Variants in CCND3 observed in about 807,000 individuals in gnomAD.
CCND3 encodes cyclin D3.
CCND3 carries 9 observed loss-of-function variants against 28.7 expected under a neutral mutation model. The ratio of observed to expected loss-of-function variants is 0.31; its 90% CI spans 0.19 to 0.55. CCND3 has a LOEUF of 0.55. Among genes scored for constraint, CCND3 ranks in the 20% least tolerant of loss-of-function variants. CCND3 has a pLI of 0.93. For synonymous variants in CCND3, 164 were observed against 163.9 expected (o/e 1.00, Z 0.00); for missense variants, 315 against 385.8 (o/e 0.82, Z 1.54).
At chr6:41,996,075 TAG>T (rs1762791017) in intron 1 of CCND3, among the ~76,000 whole-genome samples, 1 of 148,546 alleles carries the variant, frequency 6.7e-6, no homozygotes, top group South Asian at 2.1e-4. Context: ...CTATTATTTG[TAG>T]AGTTTCTAGT....
chr6:42,039,606 G>A (rs1764311895), intron 1 of CCND3, among the ~76,000 whole-genome samples: 1 of 152,226 alleles, frequency 6.6e-6, no homozygotes, highest in Non-Finnish European at 1.5e-5. Context: ...ATACAAGAGC[G>A]AGGAAAGGAA....
chr6:41,953,170 C>T (rs1411393141), intron 1 of CCND3, among the ~76,000 whole-genome samples: 1 of 150,824 alleles, frequency 6.6e-6, no homozygotes, highest in Admixed American at 6.6e-5. Flanking sequence ...GAGGCTGAGG[C>T]AGGAGAATTG....
intron 1 of CCND3, among the ~76,000 whole-genome samples, chr6:42,044,917 T>G (rs961002721): frequency 2.0e-5 from 3 of 150,838 alleles, no homozygotes; most frequent in Non-Finnish European, 2.9e-5. Flanking sequence ...GCCTCCTGAG[T>G]AGGTGGGATT....
At chr6:41,969,381 T>A (rs1046820953) in intron 1 of CCND3, among the ~76,000 whole-genome samples, 1 of 151,174 alleles carries the variant, frequency 6.6e-6, no homozygotes, top group East Asian at 2.0e-4. Flanking sequence ...CTGGGCATAG[T>A]GGCGCACGCC....
intron 1 of CCND3, among the ~76,000 whole-genome samples, chr6:41,977,562 T>C (rs925215192): frequency 6.6e-6 from 1 of 152,136 alleles, no homozygotes; most frequent in African/African-American, 2.4e-5. Flanking sequence ...AGACGGGGTT[T>C]CACCAGGTTG....
At chr6:41,989,083 G>A (rs1226541491) in intron 1 of CCND3, among the ~76,000 whole-genome samples, 5 of 152,070 alleles carry the variant, frequency 3.3e-5, no homozygotes, top group Non-Finnish European at 7.4e-5. Flanking sequence ...CACAGACTAG[G>A]GGGAAATAAT....
intron 1 of CCND3, among the ~76,000 whole-genome samples, chr6:42,044,367 C>G (rs985359010): frequency 2.0e-5 from 3 of 152,290 alleles, no homozygotes; most frequent in African/African-American, 7.2e-5. Context: ...TCCAGTCACC[C>G]CAAGGTGACA....
At chr6:42,029,070 G>C (rs1327547408) in intron 1 of CCND3, among the ~76,000 whole-genome samples, 1 of 150,554 alleles carries the variant, frequency 6.6e-6, no homozygotes, top group South Asian at 2.1e-4. Flanking sequence ...TCGAACTCCT[G>C]AGTTCAAGTG....
chr6:42,013,804 T>C (rs1273429992), intron 1 of CCND3, among the ~76,000 whole-genome samples: 1 of 152,214 alleles, frequency 6.6e-6, no homozygotes, highest in African/African-American at 2.4e-5. Context: ...CCGGGCGTGG[T>C]GGCTCACACC....
In CCND3 at chr6:41,936,499, C is replaced by A; in HGVS notation, c.711+60G>T. ...GTTGGAGGTTTCCCTCTACTGGAGG[C>A]TCAGGGCATAGCACTACTTTATGAA... On this transcript the variant is annotated intron_variant, in intron 4 of 4. Coordinates refer to ENST00000372991, the MANE Select transcript of CCND3 (RefSeq NM_001760.5). This position sits in a 1 kb window ranked among gnomAD's most constrained non-coding sequence, Gnocchi z 4.4. 1 of 1,589,588 alleles carries A rather than the reference C, an allele frequency of 6.3e-7. No individual in the cohort carries two copies.
intron 1 of CCND3, among the ~76,000 whole-genome samples, chr6:42,003,342 A>G (rs1763070973): frequency 1.3e-5 from 2 of 151,648 alleles, no homozygotes; most frequent in South Asian, 4.2e-4. Flanking sequence ...CCTGACCAAC[A>G]TGGAGAAACC....
At chr6:42,027,680 C>G (rs1482886612) in intron 1 of CCND3, among the ~76,000 whole-genome samples, 1 of 152,152 alleles carries the variant, frequency 6.6e-6, no homozygotes, top group Admixed American at 6.5e-5. Flanking sequence ...CTCCTCCTCA[C>G]TGCTCACCAG....
chr6:41,992,541 C>T (rs1186249862), intron 1 of CCND3, among the ~76,000 whole-genome samples: 7 of 148,128 alleles, frequency 4.7e-5, no homozygotes, highest in South Asian at 2.2e-4. Context: ...CTCCACCTCC[C>T]GGGTTCAGAC....
chr6:41,982,211 A>G (rs1762366276), intron 1 of CCND3, among the ~76,000 whole-genome samples: 1 of 151,580 alleles, frequency 6.6e-6, no homozygotes, highest in African/African-American at 2.4e-5. Context: ...CTGAGGTTGC[A>G]GTGAGCAGAG....
chr6:41,935,743 C>A lies in CCND3; in HGVS notation c.*197G>T. 1 of 579,206 alleles carries A rather than the reference C, an allele frequency of 1.7e-6. No individual in the cohort carries two copies. Among genetic ancestry groups the A allele is most frequent in the South Asian group, 2.2e-5 (1 of 45,762 alleles). The allele number at this position is 579,206 out of a possible 1,614,324, so 35.9% of individuals were successfully genotyped here. A position where few individuals can be genotyped will look rare whatever the true frequency, so the allele number is the denominator to read the frequency against. ...ATGCAGGGAGGAGGAGCTTGACTAG[C>A]CACCGAAATGCAGACATGGCTGGCC... is the stretch of plus-strand genomic sequence containing the variant. On this transcript the variant is annotated 3_prime_UTR_variant, in exon 5 of 5. Transcript: ENST00000372991.
chr6:42,027,436 T>G (rs1763909249), intron 1 of CCND3, among the ~76,000 whole-genome samples: 1 of 86,012 alleles, frequency 1.2e-5, no homozygotes, highest in African/African-American at 5.0e-5. Flanking sequence ...CGAGGCTCCA[T>G]CTCAAAAAAA....
intron 1 of CCND3, among the ~76,000 whole-genome samples, chr6:41,957,790 C>T (rs1309043528): frequency 2.6e-5 from 4 of 152,116 alleles, no homozygotes; most frequent in African/African-American, 7.2e-5. Flanking sequence ...CTGTTGTCAG[C>T]CATTCACAGT....
At chr6:41,964,486 A>ATGTGTGTGTGTGTGAG (rs57170949) in intron 1 of CCND3, among the ~76,000 whole-genome samples, 1 of 103,056 alleles carries the variant, frequency 9.7e-6, no homozygotes, top group African/African-American at 3.8e-5. Flanking sequence ...GTGTGTGTGA[A>ATGTGTGTGTGTGTGAG]TGTGTGTGTG....
chr6:41,967,532 C>T (rs1761920040), intron 1 of CCND3, among the ~76,000 whole-genome samples: 2 of 152,288 alleles, frequency 1.3e-5, no homozygotes, highest in Admixed American at 1.3e-4. Flanking sequence ...GCTTCTTAGA[C>T]AATAACCTGC....
Sources: gnomAD v4.1 joint callset for allele counts (sites outside exome capture counted in the v4.1 genomes callset) on GRCh38, gnomAD v4.1.1 for gene constraint, Gnocchi (gnomAD v3.1) non-coding constraint, MANE v1.5 for transcripts, NCBI Gene and HGNC (gene_info 2026-07-23, HGNC 2026-07-21) for gene names.